The following MVB12B variants were observed in gnomAD, a reference collection of about 807,000 sequenced individuals.
The protein encoded by MVB12B is multivesicular body subunit 12B.
MVB12B carries 16 observed loss-of-function variants against 41.6 expected under a neutral mutation model. That is an observed-to-expected ratio of 0.38 (90% CI 0.26 to 0.58). MVB12B has a LOEUF of 0.58. Among genes scored for constraint, MVB12B ranks in the 20% least tolerant of loss-of-function variants. MVB12B has a pLI of 0.62. For synonymous variants in MVB12B, 133 were observed against 139.7 expected (o/e 0.95, Z 0.34); for missense variants, 274 against 380.2 (o/e 0.72, Z 2.32).
At chr9:126,491,616 T>A (rs1247507153) in intron 9 of MVB12B, among the ~76,000 whole-genome samples, 1 of 152,222 alleles carries the variant, frequency 6.6e-6, no homozygotes, top group Non-Finnish European at 1.5e-5. Context: ...TTTGGGGAAA[T>A]AAATCTGCCT....
At chr9:126,446,938 C>CTTTTTTTTTTTTTTTT (rs33991689) in intron 7 of MVB12B, among the ~76,000 whole-genome samples, 10 of 104,322 alleles carry the variant, frequency 9.6e-5, no homozygotes, top group Non-Finnish European at 1.3e-4. Context: ...TTTTAACTTT[C>CTTTTTTTTTTTTTTTT]TTTTTTTTTT....
Position 126,376,683 on chromosome 9 carries a change from G to A in MVB12B, c.205-4381G>A. 3.1e-6 allele frequency: 4 copies of A among 1,280,314 alleles called. No homozygotes were observed. In the South Asian group the frequency reaches 5.0e-5, roughly 16 times the overall value. 79.3% of individuals were successfully genotyped at this position (1,280,314 alleles called of 1,614,324 possible). Reference sequence around the variant, plus strand: ...CATTGCCATTCAGTGTGTACGCTTGGTTACTCAATTACCCTCGTTTCCACT... The same window carrying A: ...CATTGCCATTCAGTGTGTACGCTTGATTACTCAATTACCCTCGTTTCCACT... On this transcript the variant is annotated intron_variant, in intron 2 of 9. Coordinates refer to ENST00000361171, the MANE Select transcript of MVB12B (RefSeq NM_033446.3). This position sits in a 1 kb window ranked among gnomAD's most constrained non-coding sequence, Gnocchi z 4.1.
chr9:126,435,323 A>G (rs1461378102), intron 7 of MVB12B, among the ~76,000 whole-genome samples: 1 of 152,168 alleles, frequency 6.6e-6, no homozygotes, highest in African/African-American at 2.4e-5. Flanking sequence ...GGTGCAGCTG[A>G]CAGAGGGAGC....
chr9:126,449,658 G>A (rs1033274287), intron 7 of MVB12B, among the ~76,000 whole-genome samples: 2 of 152,216 alleles, frequency 1.3e-5, no homozygotes, highest in Admixed American at 1.3e-4. Flanking sequence ...TGAGTCCCAT[G>A]GGCAGGTATG....
chr9:126,332,172 C>T (rs896443018), intron 1 of MVB12B, among the ~76,000 whole-genome samples: 1 of 152,176 alleles, frequency 6.6e-6, no homozygotes, highest in South Asian at 2.1e-4. Context: ...CCACTTCACA[C>T]ACCCCCGTCT....
chr9:126,421,222 A>T (rs531936651), intron 6 of MVB12B, among the ~76,000 whole-genome samples: 1 of 152,260 alleles, frequency 6.6e-6, no homozygotes, highest in East Asian at 1.9e-4. Context: ...CACCTGAGCC[A>T]TCAAAGACTG....
intron 1 of MVB12B, among the ~76,000 whole-genome samples, chr9:126,337,648 G>A (rs745743794): frequency 9.2e-5 from 14 of 152,198 alleles, no homozygotes; most frequent in Non-Finnish European, 1.0e-4. Flanking sequence ...TTTGATGTGA[G>A]CCTCAACTGG....
At chr9:126,330,335 A>G (rs1373555625) in intron 1 of MVB12B, among the ~76,000 whole-genome samples, 2 of 151,992 alleles carry the variant, frequency 1.3e-5, no homozygotes, top group African/African-American at 2.4e-5. Flanking sequence ...ATACACACAC[A>G]CTTAAAAAAA....
chr9:126,377,966 G>C (rs1024476723), intron 2 of MVB12B, among the ~76,000 whole-genome samples: 1 of 152,236 alleles, frequency 6.6e-6, no homozygotes, highest in African/African-American at 2.4e-5. Context: ...ATGTTCGTGG[G>C]CTCCTGTGCC....
At chr9:126,394,954 G>T (rs181588188) in intron 5 of MVB12B, among the ~76,000 whole-genome samples, 2 of 152,260 alleles carry the variant, frequency 1.3e-5, no homozygotes, top group South Asian at 2.1e-4. Context: ...GTAGTAGGGG[G>T]CGGGGCTGTG....
rs904803482 is a variant in MVB12B, at chr9:126,424,348, C to T, written c.757+2400C>T. 2.0e-5 allele frequency among the ~76,000 whole-genome samples: 3 copies of T among 152,290 alleles called. No individual in the cohort carries two copies. The East Asian group carries it at 5.8e-4, about 29-fold the overall frequency. On this transcript the variant is annotated intron_variant, in intron 7 of 9. Transcript: ENST00000361171. Reference sequence around the variant, plus strand: ...AGACGTGGCACAGAGTTGCAAGAGACACCAGTGGAGACGATATGTAGTCCC... The same window carrying T: ...AGACGTGGCACAGAGTTGCAAGAGATACCAGTGGAGACGATATGTAGTCCC...
intron 7 of MVB12B, among the ~76,000 whole-genome samples, chr9:126,479,120 T>TGG (rs200968570): frequency 0.13 from 19,612 of 151,988 alleles, 1,786 homozygotes; most frequent in East Asian, 0.44. Flanking sequence ...CCATGACAGG[T>TGG]GAAGAGTGGG....
At position 126,413,611 on chromosome 9, in the gene MVB12B, A is replaced by G. The variant is rs1277577426; in HGVS notation, c.663-8243A>G. The stretch of plus-strand genomic sequence containing the variant: ...AAGTGTTTCTCCTAGAGAAGGTGAC[A>G]TGAGTAATCTTCTGTTGTCTTCCTG... On this transcript the variant is annotated intron_variant, in intron 6 of 9. Coordinates refer to ENST00000361171, the MANE Select transcript of MVB12B (RefSeq NM_033446.3). 7.9e-5 allele frequency among the ~76,000 whole-genome samples: 12 copies of G among 152,324 alleles called. No homozygotes were observed. The East Asian group carries it at 1.2e-3, about 15-fold the overall frequency.
chr9:126,493,671 A>G (rs1833778400), intron 9 of MVB12B, among the ~76,000 whole-genome samples: 1 of 152,210 alleles, frequency 6.6e-6, no homozygotes, highest in Non-Finnish European at 1.5e-5. Context: ...GAAACAAGGG[A>G]TGCCTCTTGT....
chr9:126,416,051 AGAG>A (rs1831813723), intron 6 of MVB12B, among the ~76,000 whole-genome samples: 1 of 152,172 alleles, frequency 6.6e-6, no homozygotes, highest in East Asian at 1.9e-4. Context: ...ATGTGGTCAG[AGAG>A]GAGGGATGGG....
At chr9:126,441,507 C>T (rs1187898095) in intron 7 of MVB12B, among the ~76,000 whole-genome samples, 1 of 152,198 alleles carries the variant, frequency 6.6e-6, no homozygotes, top group African/African-American at 2.4e-5. Flanking sequence ...AATGGATTTA[C>T]CTTTTAACCT....
chr9:126,402,953 C>T (rs946085076), intron 6 of MVB12B, among the ~76,000 whole-genome samples: 22 of 152,216 alleles, frequency 1.4e-4, no homozygotes, highest in Non-Finnish European at 2.9e-4. Flanking sequence ...ACCTTCCAGC[C>T]GAAAGGACCA....
chr9:126,432,216 G>T (rs949958276), intron 7 of MVB12B, among the ~76,000 whole-genome samples: 1 of 152,168 alleles, frequency 6.6e-6, no homozygotes, highest in Non-Finnish European at 1.5e-5. Context: ...ATTTCCCCCT[G>T]ATAATTCCCT....
chr9:126,492,375 C>T (rs1043122471), intron 9 of MVB12B, among the ~76,000 whole-genome samples: 4 of 151,762 alleles, frequency 2.6e-5, no homozygotes, highest in African/African-American at 9.7e-5. Context: ...TACATGTTGC[C>T]TGGCTCGCCT....
Sources: allele counts gnomAD v4.1 joint callset (sites outside exome capture counted in the v4.1 genomes callset), GRCh38; gene constraint gnomAD v4.1.1; non-coding constraint Gnocchi (gnomAD v3.1); transcripts MANE v1.5; gene names NCBI Gene and HGNC (gene_info 2026-07-23, HGNC 2026-07-21).